Variants in SHISA6 observed in about 807,000 individuals in gnomAD.
SHISA6 encodes shisa family member 6, also known as protein shisa-6.
A neutral mutation model predicts 47.9 loss-of-function variants in SHISA6; 22 were observed. That is an observed-to-expected ratio of 0.46 (90% CI 0.33 to 0.66). The LOEUF (loss-of-function observed/expected upper bound fraction) is 0.66, where lower values mean the gene tolerates loss of function less well. Ranked by LOEUF, SHISA6 falls within the 30% of genes least tolerant of loss-of-function variation. The pLI is 0.02. For missense variants in SHISA6, 680 were observed against 764.6 expected (o/e 0.89, Z 1.30); for synonymous variants, 388 against 337.8 (o/e 1.15, Z -1.63).
intron 3 of SHISA6, among the ~76,000 whole-genome samples, chr17:11,410,671 C>CA (rs1238307494): frequency 1.3e-5 from 2 of 152,118 alleles, no homozygotes; most frequent in Non-Finnish European, 2.9e-5. Flanking sequence ...CCCATGCATC[C>CA]ACTCCCCAAT....
intron 1 of SHISA6, among the ~76,000 whole-genome samples, chr17:11,262,582 A>G (rs949586075): frequency 3.2e-4 from 49 of 152,316 alleles, no homozygotes; most frequent in African/African-American, 1.2e-3. Context: ...TGTCTCTTCA[A>G]TGACTGATGC....
intron 2 of SHISA6, among the ~76,000 whole-genome samples, chr17:11,370,717 G>A (rs909041644): frequency 2.6e-4 from 39 of 152,284 alleles, no homozygotes; most frequent in African/African-American, 8.2e-4. Context: ...AAGAGTATGC[G>A]TTTCTGTTTC....
chr17:11,394,909 A>G (rs1913515177), intron 3 of SHISA6, among the ~76,000 whole-genome samples: 1 of 151,782 alleles, frequency 6.6e-6, no homozygotes, highest in Non-Finnish European at 1.5e-5. Context: ...CAGTTTTGCA[A>G]CTATATGTAT....
chr17:11,307,964 G>GA (rs1288099088), intron 2 of SHISA6, among the ~76,000 whole-genome samples: 2 of 152,208 alleles, frequency 1.3e-5, no homozygotes, highest in East Asian at 1.9e-4. Flanking sequence ...GAGTGTACTA[G>GA]AAAAAAGGCA....
intron 3 of SHISA6, among the ~76,000 whole-genome samples, chr17:11,459,390 G>GA (rs1396666406): frequency 6.6e-6 from 1 of 152,084 alleles, no homozygotes; most frequent in African/African-American, 2.4e-5. Context: ...GTCTGCCCTG[G>GA]ATAATAAGGA....
rs76329637 is a variant in SHISA6, at chr17:11,312,259, T to A, written c.799+48733T>A. Among the ~76,000 whole-genome samples the A allele has an allele frequency of 6.0e-3, 912 of 152,052 alleles. 9 individuals are homozygous for A. The highest frequency in any genetic ancestry group is 7.4e-3 in the Non-Finnish European group (500 of 67,940). On this transcript the variant is annotated intron_variant, in intron 2 of 5. Coordinates refer to ENST00000441885, the MANE Select transcript of SHISA6 (RefSeq NM_207386.4). ...GAGTTTTATTATCTAATATACTGTG[T>A]TGAGGGCTTAATTAATTTATTATCA...
Position 11,457,805 on chromosome 17 carries a change from G to T in SHISA6, c.895+78296G>T, listed in dbSNP as rs548608942. On this transcript the variant is annotated intron_variant, in intron 3 of 5. Coordinates refer to ENST00000441885, the MANE Select transcript of SHISA6 (RefSeq NM_207386.4). ...TTCCATAAAAATAGAGAATGCCTGG[G>T]CCGGGCACGGTGGCTTATGCCTGTA... Among the ~76,000 whole-genome samples the T allele has an allele frequency of 3.3e-5, 5 of 151,344 alleles. 1 individual carries two copies. The highest frequency in any genetic ancestry group is 1.2e-4 in the African/African-American group (5 of 41,178).
At chr17:11,276,709 CATT>C (rs1908908694) in intron 2 of SHISA6, among the ~76,000 whole-genome samples, 1 of 152,036 alleles carries the variant, frequency 6.6e-6, no homozygotes, top group South Asian at 2.1e-4. Context: ...CCATCACCAC[CATT>C]ATCATCATCA....
chr17:11,243,723 C>T (rs1170225481), intron 1 of SHISA6, among the ~76,000 whole-genome samples: 1 of 152,214 alleles, frequency 6.6e-6, no homozygotes, highest in African/African-American at 2.4e-5. Context: ...TCCTTATCAT[C>T]CTTACACCTC....
At chr17:11,438,292 A>C (rs1192870760) in intron 3 of SHISA6, among the ~76,000 whole-genome samples, 1 of 152,198 alleles carries the variant, frequency 6.6e-6, no homozygotes, top group Admixed American at 6.5e-5. Context: ...ATGTTTAAAA[A>C]CCTAGAGTGC....
At chr17:11,418,463 C>G (rs1914351941) in intron 3 of SHISA6, among the ~76,000 whole-genome samples, 4 of 152,058 alleles carry the variant, frequency 2.6e-5, no homozygotes, top group Admixed American at 2.6e-4. Context: ...GCACCCTGCC[C>G]CTCAACAGCA....
rs776556997 is a variant in SHISA6 at position 11,303,717 on chromosome 17, A to G, written c.799+40191A>G. Among the ~76,000 whole-genome samples, 8 of 152,336 alleles carry G rather than the reference A, an allele frequency of 5.3e-5. No homozygotes were observed. In the South Asian group the frequency reaches 6.2e-4, roughly 12 times the overall value. On this transcript the variant is annotated intron_variant, in intron 2 of 5. Coordinates refer to ENST00000441885, the MANE Select transcript of SHISA6 (RefSeq NM_207386.4). ...CTCAAGCCCCCAGTCCCAGTTGGCC[A>G]TGCGTGTCACTCAAAGACCCTTCTC...
At chr17:11,242,942 A>G (rs1234057635) in intron 1 of SHISA6, among the ~76,000 whole-genome samples, 1 of 152,092 alleles carries the variant, frequency 6.6e-6, no homozygotes, top group African/African-American at 2.4e-5. Context: ...AACTCTAGGA[A>G]TGACACACCC....
chr17:11,499,816 C>G (rs1241927633), intron 3 of SHISA6, among the ~76,000 whole-genome samples: 1 of 151,926 alleles, frequency 6.6e-6, no homozygotes, highest in Non-Finnish European at 1.5e-5. Context: ...ATTCTCCTGC[C>G]TCAGCCTTCT....
chr17:11,350,064 T>A (rs2142219691), intron 2 of SHISA6, among the ~76,000 whole-genome samples: 1 of 152,068 alleles, frequency 6.6e-6, no homozygotes, highest in Admixed American at 6.5e-5. Context: ...CCCACCTTTT[T>A]TTTTGTTGAA....
intron 2 of SHISA6, among the ~76,000 whole-genome samples, chr17:11,271,748 C>G (rs1036994374): frequency 1.3e-5 from 2 of 152,042 alleles, no homozygotes; most frequent in East Asian, 1.9e-4. Flanking sequence ...GCGTGAGCCA[C>G]CACGCCCAGC....
chr17:11,442,896 G>A (rs188093253), intron 3 of SHISA6, among the ~76,000 whole-genome samples: 4 of 152,266 alleles, frequency 2.6e-5, no homozygotes, highest in East Asian at 3.9e-4. Flanking sequence ...CTTCCTTTTA[G>A]CCAAGCCACT....
chr17:11,431,393 G>T (rs150497471), intron 3 of SHISA6, among the ~76,000 whole-genome samples: 3 of 152,284 alleles, frequency 2.0e-5, no homozygotes, highest in Non-Finnish European at 2.9e-5. Flanking sequence ...ACACAGGTTT[G>T]TGTGGCTGCC....
intron 3 of SHISA6, among the ~76,000 whole-genome samples, chr17:11,434,980 C>A (rs576581654): frequency 7.2e-5 from 11 of 152,198 alleles, no homozygotes; most frequent in Admixed American, 2.6e-4. Context: ...GAAGTCCTAA[C>A]CCCAAAAGTG....
Sources: allele counts gnomAD v4.1 joint callset (sites outside exome capture counted in the v4.1 genomes callset), GRCh38; gene constraint gnomAD v4.1.1; transcripts MANE v1.5; gene names NCBI Gene and HGNC (gene_info 2026-07-23, HGNC 2026-07-21).